Variants in NTRK3 observed in about 807,000 individuals in gnomAD.
The protein encoded by NTRK3 is neurotrophic receptor tyrosine kinase 3.
A neutral mutation model predicts 91.7 loss-of-function variants in NTRK3; 24 were observed. The ratio of observed to expected loss-of-function variants is 0.26; its 90% CI spans 0.19 to 0.37. The LOEUF is 0.37. Among genes scored for constraint, NTRK3 ranks in the 10% least tolerant of loss-of-function variants. The pLI is 1.00. For synonymous variants in NTRK3, 483 were observed against 404.0 expected (o/e 1.20, Z -2.34); for missense variants, 880 against 1,068.9 (o/e 0.82, Z 2.46).
intron 14 of NTRK3, among the ~76,000 whole-genome samples, chr15:87,942,397 T>C (rs2069966335): frequency 6.6e-6 from 1 of 152,144 alleles, no homozygotes; most frequent in African/African-American, 2.4e-5. Flanking sequence ...CTCTGAGGAA[T>C]GGTATTTGTT....
intron 14 of NTRK3, among the ~76,000 whole-genome samples, chr15:88,000,713 T>C (rs1397955359): frequency 6.6e-6 from 1 of 152,240 alleles, no homozygotes; most frequent in East Asian, 1.9e-4. Flanking sequence ...TATGGTTCAA[T>C]AATATTCCAT....
chr15:88,135,276 C>G (rs777008223), exon 10 of NTRK3: 3 of 1,614,192 alleles, frequency 1.9e-6, no homozygotes, highest in South Asian at 2.2e-5. Context: ...TCTTGGACTC[C>G]CGCAGAGGCT....
chr15:87,942,534 T>G (rs943521745), intron 14 of NTRK3, among the ~76,000 whole-genome samples: 1 of 152,184 alleles, frequency 6.6e-6, no homozygotes, highest in Non-Finnish European at 1.5e-5. Flanking sequence ...ACATAGGTTC[T>G]GCAAGGTGAG....
intron 5 of NTRK3, among the ~76,000 whole-genome samples, chr15:88,153,895 G>A (rs1308969897): frequency 6.6e-6 from 1 of 151,778 alleles, no homozygotes; most frequent in Non-Finnish European, 1.5e-5. Context: ...GGAAGGGGAG[G>A]ACTTCGATAT....
intron 3 of NTRK3, among the ~76,000 whole-genome samples, chr15:88,253,944 G>T (rs886269239): frequency 3.9e-5 from 6 of 152,190 alleles, no homozygotes; most frequent in African/African-American, 1.4e-4. Flanking sequence ...ATCATTTTCA[G>T]AGGAGCAACA....
rs75692385 is a variant in NTRK3 at position 88,245,145 on chromosome 15, G to A, written c.248+10761C>T. On this transcript the variant is annotated intron_variant, in intron 3 of 18. Coordinates refer to ENST00000394480, the Ensembl canonical transcript of NTRK3. Reference sequence around the variant, plus strand: ...CCATCTTAGTCCTTCTCTTGCCTCCGTCAGCTTTGTCCACATGCTAGTTCC... The same window carrying A: ...CCATCTTAGTCCTTCTCTTGCCTCCATCAGCTTTGTCCACATGCTAGTTCC... Among the ~76,000 whole-genome samples, 216 of 152,256 alleles carry A rather than the reference G, an allele frequency of 1.4e-3. 3 individuals carry two copies. The East Asian group carries it at 0.033, about 24-fold the overall frequency.
At chr15:88,220,529 T>C (rs369261032) in intron 3 of NTRK3, among the ~76,000 whole-genome samples, 2 of 152,032 alleles carry the variant, frequency 1.3e-5, no homozygotes, top group African/African-American at 4.8e-5. Flanking sequence ...ATCTGAAAAA[T>C]AGTGAGAGCA....
At chr15:88,176,387 G>A (rs4887378) in intron 5 of NTRK3, among the ~76,000 whole-genome samples, 41,029 of 151,818 alleles carry the variant, frequency 0.27, 5,936 homozygotes, top group African/African-American at 0.38. Context: ...CACCTGTCTC[G>A]GCCTCCCAAA....
At chr15:88,213,208 G>C (rs1162426336) in intron 3 of NTRK3, among the ~76,000 whole-genome samples, 1 of 152,150 alleles carries the variant, frequency 6.6e-6, no homozygotes, top group East Asian at 1.9e-4. Flanking sequence ...ATGTTGGGGT[G>C]AGCCATCATT....
At chr15:87,959,326 A>G (rs2072008201) in intron 14 of NTRK3, among the ~76,000 whole-genome samples, 1 of 152,186 alleles carries the variant, frequency 6.6e-6, no homozygotes, top group Non-Finnish European at 1.5e-5. Context: ...GTGGTGCTCA[A>G]TAAGTATTCG....
chr15:88,214,686 T>C (rs2141474858), intron 3 of NTRK3, among the ~76,000 whole-genome samples: 1 of 39,276 alleles, frequency 2.5e-5, no homozygotes, highest in South Asian at 7.7e-4. Flanking sequence ...ACAGAGAGAA[T>C]AAGGACAAAA....
At chr15:88,154,540 C>G (rs2043705203) in intron 5 of NTRK3, among the ~76,000 whole-genome samples, 1 of 152,198 alleles carries the variant, frequency 6.6e-6, no homozygotes, top group Non-Finnish European at 1.5e-5. Flanking sequence ...TTAAAGCCAT[C>G]TGAGCCATTT....
intron 3 of NTRK3, among the ~76,000 whole-genome samples, chr15:88,217,191 G>A (rs1291871955): frequency 1.3e-5 from 2 of 152,240 alleles, no homozygotes; most frequent in Non-Finnish European, 2.9e-5. Context: ...AAGGAAAACA[G>A]TGTGGTAGTT....
At chr15:87,982,982 C>T (rs1370331917) in intron 14 of NTRK3, among the ~76,000 whole-genome samples, 3 of 152,222 alleles carry the variant, frequency 2.0e-5, no homozygotes, top group Non-Finnish European at 4.4e-5. Flanking sequence ...CAGACCTCTC[C>T]TTCTCCTTCT....
At chr15:87,979,411 A>G in intron 14 of NTRK3, 1 of 1,614,046 alleles carries the variant, frequency 6.2e-7, no homozygotes. Flanking sequence ...CATGGTTAAG[A>G]GGCTTGGAAT....
chr15:88,163,676 C>A (rs2044671121), intron 5 of NTRK3, among the ~76,000 whole-genome samples: 1 of 152,170 alleles, frequency 6.6e-6, no homozygotes, highest in African/African-American at 2.4e-5. Context: ...GTAATGTGGC[C>A]AGAAGGAGGC....
chr15:88,179,224 A>T (rs1458963252), intron 5 of NTRK3, among the ~76,000 whole-genome samples: 1 of 152,190 alleles, frequency 6.6e-6, no homozygotes, highest in East Asian at 1.9e-4. Flanking sequence ...CAGCAGTTTT[A>T]TGTGGTTTTC....
chr15:88,146,014 C>T (rs894196759), intron 6 of NTRK3, among the ~76,000 whole-genome samples: 11 of 152,178 alleles, frequency 7.2e-5, no homozygotes, highest in African/African-American at 2.7e-4. Context: ...TCTCAGTGTC[C>T]TCCAAAGTGA....
At chr15:88,064,756 T>G (rs1269867706) in intron 13 of NTRK3, among the ~76,000 whole-genome samples, 1 of 152,236 alleles carries the variant, frequency 6.6e-6, no homozygotes, top group Non-Finnish European at 1.5e-5. Flanking sequence ...GGGTCTCTGC[T>G]GCTGAGGTCC....
Sources: allele counts gnomAD v4.1 joint callset (sites outside exome capture counted in the v4.1 genomes callset), GRCh38; gene constraint gnomAD v4.1.1; transcripts MANE v1.5; gene names NCBI Gene and HGNC (gene_info 2026-07-23, HGNC 2026-07-21).